The following KPNA4 variants were observed in gnomAD, a reference collection of about 807,000 sequenced individuals.
KPNA4 encodes karyopherin subunit alpha 4.
KPNA4 carries 13 observed loss-of-function variants against 71.3 expected under a neutral mutation model. The ratio of observed to expected loss-of-function variants is 0.18; its 90% confidence interval spans 0.12 to 0.29. The LOEUF (loss-of-function observed/expected upper bound fraction) is 0.29, where lower values mean the gene tolerates loss of function less well. Among genes scored for constraint, KPNA4 ranks in the 10% least tolerant of loss-of-function variants. The pLI is 1.00. For missense variants in KPNA4, 334 were observed against 603.2 expected (o/e 0.55, Z 4.67); for synonymous variants, 189 against 195.2 (o/e 0.97, Z 0.26).
intron 1 of KPNA4, among the ~76,000 whole-genome samples, chr3:160,561,595 T>C (rs1450207509): frequency 6.6e-6 from 1 of 151,902 alleles, no homozygotes; most frequent in Admixed American, 6.6e-5. Context: ...TAGAGAGAGG[T>C]AGGAACAAAT....
rs759160787 is a variant in KPNA4, at chr3:160,514,060, T to A, written c.1137+17A>T. ...CCTTACATCAGATAAATGATACATATAACATGATTTTCTTACCTTATCCAA... is the reference window on the plus strand; with the variant it reads ...CCTTACATCAGATAAATGATACATAAAACATGATTTTCTTACCTTATCCAA... On this transcript the variant is annotated intron_variant, in intron 13 of 16. Coordinates refer to ENST00000334256, the MANE Select transcript of KPNA4 (RefSeq NM_002268.5). The A allele has an allele frequency of 7.0e-7, 1 of 1,419,414 alleles. No individual in the cohort carries two copies. Among genetic ancestry groups the A allele is most frequent in the Non-Finnish European group, 9.6e-7 (1 of 1,040,056 alleles). The allele number at this position is 1,419,414 out of a possible 1,614,324, so 87.9% of individuals were successfully genotyped here.
At chr3:160,547,380 A>C (rs1478718999) in intron 1 of KPNA4, among the ~76,000 whole-genome samples, 1 of 152,156 alleles carries the variant, frequency 6.6e-6, no homozygotes, top group African/African-American at 2.4e-5. Context: ...TTATATATTT[A>C]GGATTTTTAC....
chr3:160,503,633 A>G (rs1271454421), intron 16 of KPNA4, among the ~76,000 whole-genome samples: 3 of 152,200 alleles, frequency 2.0e-5, no homozygotes, highest in South Asian at 2.1e-4. Context: ...ATAACTATGT[A>G]TATCATCTGA....
At chr3:160,521,942 T>C in intron 10 of KPNA4, 32 bp from the exon 11 acceptor site, 1 of 1,568,606 alleles carries the variant, frequency 6.4e-7, no homozygotes, top group Non-Finnish European at 8.7e-7. Flanking sequence ...CAAACAACTT[T>C]TAAATATTTT....
intron 1 of KPNA4, among the ~76,000 whole-genome samples, chr3:160,556,548 G>A (rs1455870000): frequency 6.6e-6 from 1 of 152,100 alleles, no homozygotes; most frequent in Non-Finnish European, 1.5e-5. Flanking sequence ...GAAATGCTTG[G>A]GAACACAAGT....
chr3:160,540,975 A>T (rs1348373983), intron 1 of KPNA4, among the ~76,000 whole-genome samples: 1 of 152,244 alleles, frequency 6.6e-6, no homozygotes, highest in Non-Finnish European at 1.5e-5. Context: ...ATTTTAAGCA[A>T]GTCAAAACAG....
chr3:160,517,124 C>G (rs981238625), intron 11 of KPNA4, among the ~76,000 whole-genome samples: 1 of 152,012 alleles, frequency 6.6e-6, no homozygotes, highest in Non-Finnish European at 1.5e-5. Context: ...TGATCACTCC[C>G]ACACTGCCTT....
intron 1 of KPNA4, among the ~76,000 whole-genome samples, chr3:160,543,953 G>A (rs1721855995): frequency 6.6e-6 from 1 of 152,098 alleles, no homozygotes; most frequent in Non-Finnish European, 1.5e-5. Flanking sequence ...CGCCTCCTGG[G>A]TTCAAGTGAT....
intron 1 of KPNA4, among the ~76,000 whole-genome samples, chr3:160,545,473 T>A (rs1195952785): frequency 1.3e-5 from 2 of 152,210 alleles, no homozygotes; most frequent in Non-Finnish European, 2.9e-5. Flanking sequence ...AAATGTATAG[T>A]GTTTCAGTGG....
chr3:160,541,239 A>G (rs1243628071), intron 1 of KPNA4, among the ~76,000 whole-genome samples: 1 of 152,226 alleles, frequency 6.6e-6, no homozygotes, highest in Non-Finnish European at 1.5e-5. Flanking sequence ...TTAAAATATG[A>G]CATAGTAATT....
intron 11 of KPNA4, 31 bp downstream of exon 11, chr3:160,521,748 A>G (rs752258878): frequency 1.9e-6 from 3 of 1,602,158 alleles, no homozygotes; most frequent in South Asian, 2.2e-5. Context: ...GTGGTAAGAA[A>G]TACTTATAAT....
intron 11 of KPNA4, among the ~76,000 whole-genome samples, chr3:160,520,227 T>C (rs1019607458): frequency 6.6e-6 from 1 of 151,838 alleles, no homozygotes; most frequent in African/African-American, 2.4e-5. Context: ...AAGTCATAAA[T>C]AGCCTTAAAT....
intron 1 of KPNA4, among the ~76,000 whole-genome samples, chr3:160,550,499 A>T (rs1453228392): frequency 6.6e-6 from 1 of 152,180 alleles, no homozygotes; most frequent in Non-Finnish European, 1.5e-5. Context: ...TCCTGGGCTC[A>T]AGTGATTCTC....
rs1721681661 is a variant in KPNA4, at chr3:160,535,915, A to AC, written c.115-19_115-18insG. ...CTTTTATTCTTAAAAAAAAAAAAAAAAAAAAAAAAACCAAACAGAGAATTT... is the reference window on the plus strand; with the variant it reads ...CTTTTATTCTTAAAAAAAAAAAAAAACAAAAAAAAAACCAAACAGAGAATTT... On this transcript the variant is annotated intron_variant, in intron 2 of 16. Coordinates refer to ENST00000334256, the MANE Select transcript of KPNA4 (RefSeq NM_002268.5). The AC allele has an allele frequency of 2.7e-6, 3 of 1,104,922 alleles. No individual in the cohort carries two copies. Among genetic ancestry groups the AC allele is most frequent in the East Asian group, 3.1e-5 (1 of 31,856 alleles). 68.4% of individuals were successfully genotyped at this position (1,104,922 alleles called of 1,614,324 possible). A position where few individuals can be genotyped will look rare whatever the true frequency, so the allele number is the denominator to read the frequency against.
At chr3:160,516,876 T>C (rs1245750560) in intron 11 of KPNA4, among the ~76,000 whole-genome samples, 4 of 152,134 alleles carry the variant, frequency 2.6e-5, no homozygotes, top group South Asian at 2.1e-4. Flanking sequence ...TATTTTTCTG[T>C]GGTTGCATGA....
At chr3:160,514,401 A>C (rs1028142802) in intron 12 of KPNA4, among the ~76,000 whole-genome samples, 1 of 152,236 alleles carries the variant, frequency 6.6e-6, no homozygotes, top group Non-Finnish European at 1.5e-5. Flanking sequence ...AACCCTTCGG[A>C]AGAATTATTG....
intron 1 of KPNA4, among the ~76,000 whole-genome samples, chr3:160,558,930 T>C (rs933874611): frequency 2.0e-5 from 3 of 152,082 alleles, no homozygotes; most frequent in Admixed American, 6.5e-5. Context: ...CAGTAAAAAA[T>C]GATTACTTTT....
intron 7 of KPNA4, among the ~76,000 whole-genome samples, chr3:160,529,852 G>A (rs183252500): frequency 1.6e-4 from 24 of 152,042 alleles, no homozygotes; most frequent in Admixed American, 1.2e-3. Context: ...TGATATGGCC[G>A]GGCGTGGTGG....
chr3:160,537,683 T>C (rs1279699057), intron 1 of KPNA4, among the ~76,000 whole-genome samples: 1 of 150,194 alleles, frequency 6.7e-6, no homozygotes, highest in Non-Finnish European at 1.5e-5. Flanking sequence ...AACTGAACTT[T>C]TGATCTTTAA....
Sources: allele counts gnomAD v4.1 joint callset (sites outside exome capture counted in the v4.1 genomes callset), GRCh38; gene constraint gnomAD v4.1.1; transcripts MANE v1.5; gene names NCBI Gene and HGNC (gene_info 2026-07-23, HGNC 2026-07-21).